Variants in SRP68 observed in about 807,000 individuals in gnomAD.
The protein encoded by SRP68 is signal recognition particle subunit SRP68.
Under a neutral mutation model 82.2 loss-of-function variants are expected in SRP68, and 15 were observed. The observed-to-expected ratio is 0.18, with a 90% confidence interval of 0.12 to 0.28. SRP68 has a LOEUF of 0.28. Ranked by LOEUF, SRP68 falls within the 10% of genes least tolerant of loss-of-function variation. The pLI, the probability that SRP68 is intolerant of heterozygous loss-of-function variation, is 1.00. For missense variants in SRP68, 595 were observed against 780.5 expected (o/e 0.76, Z 2.83); for synonymous variants, 261 against 292.6 (o/e 0.89, Z 1.10).
At chr17:76,062,308 T>C (rs1203369558) in intron 4 of SRP68, among the ~76,000 whole-genome samples, 2 of 142,032 alleles carry the variant, frequency 1.4e-5, no homozygotes, top group Non-Finnish European at 3.0e-5. Context: ...AAAAAAAATT[T>C]AGCCAGGTGT....
chr17:76,043,112 A>G (rs1223733630), intron 13 of SRP68, among the ~76,000 whole-genome samples: 1 of 151,480 alleles, frequency 6.6e-6, no homozygotes, highest in Non-Finnish European at 1.5e-5. Context: ...AAAAAAATAA[A>G]AATTGGCCTG....
chr17:76,041,030 C>G lies in SRP68; in HGVS notation c.1525-52G>C. ...CCGAGCCAGGGCCAGGTCAGAGAAGCACACCAAGCTAACCCGAGTTAACCG... is the reference window on the plus strand; with the variant it reads ...CCGAGCCAGGGCCAGGTCAGAGAAGGACACCAAGCTAACCCGAGTTAACCG... On this transcript the variant is annotated intron_variant, in intron 13 of 15. Coordinates refer to ENST00000307877, the MANE Select transcript of SRP68 (RefSeq NM_014230.4). The G allele has an allele frequency of 2.0e-6, 3 of 1,510,770 alleles. No homozygotes were observed. The South Asian group carries it at 3.4e-5, about 17-fold the overall frequency. 93.6% of individuals were successfully genotyped at this position (1,510,770 alleles called of 1,614,324 possible). A position where few individuals can be genotyped will look rare whatever the true frequency, so the allele number is the denominator to read the frequency against.
At chr17:76,066,598 C>A (rs888899516) in intron 3 of SRP68, among the ~76,000 whole-genome samples, 1 of 151,496 alleles carries the variant, frequency 6.6e-6, no homozygotes, top group Non-Finnish European at 1.5e-5. Context: ...CATTTGCCAT[C>A]CCAACAGGTT....
chr17:76,044,263 G>A (rs1443523193), intron 12 of SRP68, among the ~76,000 whole-genome samples: 1 of 152,214 alleles, frequency 6.6e-6, no homozygotes, highest in African/African-American at 2.4e-5. Context: ...AGGAAGGAAG[G>A]AAGAACGCTG....
intron 7 of SRP68, among the ~76,000 whole-genome samples, chr17:76,059,237 G>A (rs900898706): frequency 5.3e-5 from 8 of 152,014 alleles, no homozygotes; most frequent in Middle Eastern, 3.2e-3. Flanking sequence ...CAAAAGAGAC[G>A]CTGTTCAAAA....
At chr17:76,060,474 C>G in intron 6 of SRP68, 84 bp from the exon 7 acceptor site, 1 of 906,066 alleles carries the variant, frequency 1.1e-6, no homozygotes, top group Non-Finnish European at 1.8e-6. Context: ...TTAAAGAGCT[C>G]TTCCCCCTCC....
chr17:76,063,023 G>A (rs1325589950), intron 4 of SRP68, among the ~76,000 whole-genome samples: 1 of 151,004 alleles, frequency 6.6e-6, no homozygotes, highest in Non-Finnish European at 1.5e-5. Flanking sequence ...GCCCACCTTG[G>A]CCTCCCAAAG....
chr17:76,072,153 C>CA lies in SRP68; in HGVS notation c.184+154_184+155insT. 7.0e-7 allele frequency: 1 copy of CA among 1,426,638 alleles called. No homozygotes were observed. Among genetic ancestry groups the CA allele is most frequent in the South Asian group, 1.3e-5 (1 of 77,858 alleles). 88.4% of individuals were successfully genotyped at this position (1,426,638 alleles called of 1,614,324 possible). On this transcript the variant is annotated intron_variant, in intron 1 of 15. Transcript: ENST00000307877. This position sits in a 1 kb window ranked among gnomAD's most constrained non-coding sequence, Gnocchi z 4.5. ...AAAGACTAGTCGAGAGACAGACCCC[C>CA]CCCGGAATTCTGAGCACCAAAAGGT...
intron 2 of SRP68, among the ~76,000 whole-genome samples, chr17:76,068,173 C>A (rs1262580972): frequency 1.3e-5 from 2 of 152,098 alleles, no homozygotes; most frequent in Non-Finnish European, 1.5e-5. Context: ...TGCCTGTAAT[C>A]CCAGCCTACT....
At chr17:76,045,904 A>T in intron 11 of SRP68, 134 bp downstream of exon 11, 1 of 1,090,334 alleles carries the variant, frequency 9.2e-7, no homozygotes, top group Non-Finnish European at 1.3e-6. Flanking sequence ...CTGGTGTAAG[A>T]TCTTTGTCTC....
intron 4 of SRP68, among the ~76,000 whole-genome samples, chr17:76,062,665 TATACATTATATAATATATA>T (rs1275545531): frequency 2.5e-5 from 1 of 39,698 alleles, no homozygotes; most frequent in African/African-American, 4.6e-4. Flanking sequence ...TATTATATAA[TATACATTATATAATATATA>T]ATATACATTA....
intron 6 of SRP68, 36 bp from the exon 7 acceptor site, chr17:76,060,426 G>A: frequency 6.5e-7 from 1 of 1,534,950 alleles, no homozygotes; most frequent in African/African-American, 1.4e-5. Context: ...TCAAGGGTCT[G>A]GTCTGTTTTC....
chr17:76,066,374 C>A (rs1239254789), intron 3 of SRP68, among the ~76,000 whole-genome samples: 4 of 150,408 alleles, frequency 2.7e-5, no homozygotes, highest in Non-Finnish European at 4.4e-5. Flanking sequence ...AGCTTGAACC[C>A]GGGAGGTGGA....
At chr17:76,060,471 G>A in intron 6 of SRP68, 81 bp from the exon 7 acceptor site, 1 of 960,036 alleles carries the variant, frequency 1.0e-6, no homozygotes, top group Non-Finnish European at 1.7e-6. Flanking sequence ...GACTTAAAGA[G>A]CTCTTCCCCC....
intron 15 of SRP68, 141 bp downstream of exon 15, chr17:76,040,278 G>T: frequency 1.2e-6 from 1 of 810,984 alleles, no homozygotes; most frequent in African/African-American, 1.7e-5. Flanking sequence ...TATGCAAGAA[G>T]CTTTGAGGTT....
chr17:76,054,920 C>T (rs1211430625), intron 8 of SRP68, among the ~76,000 whole-genome samples: 1 of 151,404 alleles, frequency 6.6e-6, no homozygotes, highest in Non-Finnish European at 1.5e-5. Context: ...AGTATGATGT[C>T]ATATCAATGA....
Position 76,046,053 on chromosome 17 carries a change from A to G in SRP68, c.1284T>C (p.Tyr428=), listed in dbSNP as rs1195129406. The G allele has an allele frequency of 6.2e-6, 10 of 1,613,780 alleles. No homozygotes were observed. Among genetic ancestry groups the G allele is most frequent in the Non-Finnish European group, 8.5e-6 (10 of 1,179,882 alleles). The change falls in exon 11 of 16, where the codon TAT becomes TAC. Residue 428 remains tyrosine, a synonymous_variant. Coordinates refer to ENST00000307877, the MANE Select transcript of SRP68 (RefSeq NM_014230.4). ...CAAGGGTCACCTGTAAGATGATGTC[A>G]TAGAGTCGGATCAGGTCCTGGGGCC... ...SPRPQDLIRL[Y]DIILQNLVEL...
intron 1 of SRP68, among the ~76,000 whole-genome samples, chr17:76,070,843 T>C (rs963185288): frequency 9.3e-5 from 9 of 96,940 alleles, no homozygotes; most frequent in African/African-American, 3.4e-4. Context: ...CAGTCACACA[T>C]GCACATGCAC....
chr17:76,045,488 A>AG (rs2066623641), intron 11 of SRP68, 102 bp from the exon 12 acceptor site: 1 of 882,782 alleles, frequency 1.1e-6, no homozygotes, highest in Non-Finnish European at 1.8e-6. Context: ...GAAAAAAAAA[A>AG]GCCCGAGGTC....
Sources: allele counts gnomAD v4.1 joint callset (sites outside exome capture counted in the v4.1 genomes callset), GRCh38; gene constraint gnomAD v4.1.1; non-coding constraint Gnocchi (gnomAD v3.1); transcripts MANE v1.5; gene names NCBI Gene and HGNC (gene_info 2026-07-23, HGNC 2026-07-21).